ACP3: variants seen among roughly 807,000 people sequenced by gnomAD.
ACP3 encodes prostatic acid phosphatase.
Under a neutral mutation model 45.6 loss-of-function variants are expected in ACP3, and 38 were observed. The observed-to-expected ratio is 0.83, with a 90% CI of 0.64 to 1.09. The LOEUF (loss-of-function observed/expected upper bound fraction) is 1.09, where lower values mean the gene tolerates loss of function less well. ACP3 is among the 50% of genes least tolerant of loss of function. The probability of loss-of-function intolerance (pLI) is 0.00; values close to 1 mark genes in which losing one functional copy is unlikely to be tolerated. For synonymous variants in ACP3, 162 were observed against 164.7 expected, an observed-to-expected ratio of 0.98 and a Z score of 0.13; for missense variants, 466 against 463.2, an observed-to-expected ratio of 1.01 and a Z score of -0.05.
At chr3:132,341,779 A>G (rs1361983842) in intron 5 of ACP3, among the ~76,000 whole-genome samples, 1 of 152,192 alleles carries the variant, frequency 6.6e-6, no homozygotes, top group African/African-American at 2.4e-5. Context: ...CTCTTTAACA[A>G]TAATTTCTAT....
At chr3:132,364,891 C>T (rs1559847064) in intron 10 of ACP3, among the ~76,000 whole-genome samples, 1 of 152,244 alleles carries the variant, frequency 6.6e-6, no homozygotes, top group African/African-American at 2.4e-5. Flanking sequence ...TTAAGGATCA[C>T]TACTATCTGC....
intron 6 of ACP3, among the ~76,000 whole-genome samples, chr3:132,343,996 T>G (rs1302809378): frequency 6.6e-6 from 1 of 152,096 alleles, no homozygotes; most frequent in Non-Finnish European, 1.5e-5. Context: ...ATTAGCCACG[T>G]GTGGCCAGGT....
chr3:132,331,171 T>C (rs1937392218), intron 2 of ACP3, among the ~76,000 whole-genome samples: 1 of 152,220 alleles, frequency 6.6e-6, no homozygotes, highest in Non-Finnish European at 1.5e-5. Flanking sequence ...TCTAATTTTT[T>C]TATGAACCAG....
intron 5 of ACP3, among the ~76,000 whole-genome samples, chr3:132,337,987 C>G (rs1452303516): frequency 6.6e-6 from 1 of 151,870 alleles, no homozygotes; most frequent in Non-Finnish European, 1.5e-5. Flanking sequence ...ATGCTGTGTA[C>G]TTTTTAAAAT....
intron 1 of ACP3, among the ~76,000 whole-genome samples, chr3:132,322,514 A>C (rs185733147): frequency 4.5e-4 from 68 of 152,358 alleles, no homozygotes; most frequent in African/African-American, 1.6e-3. Context: ...GATTTTCACA[A>C]CTTAGAGTAT....
intron 5 of ACP3, among the ~76,000 whole-genome samples, chr3:132,339,074 A>G (rs1048281998): frequency 2.0e-5 from 3 of 151,684 alleles, no homozygotes; most frequent in African/African-American, 7.3e-5. Context: ...CTTCCCCTCT[A>G]TGTGTCCGTG....
At chr3:132,343,153 G>A (rs1937570562) in intron 6 of ACP3, among the ~76,000 whole-genome samples, 4 of 152,238 alleles carry the variant, frequency 2.6e-5, no homozygotes, top group Admixed American at 6.5e-5. Context: ...GATAAATTAC[G>A]ATTGCTTTTC....
intron 7 of ACP3, 50 bp downstream of exon 7, chr3:132,345,109 C>G (rs905289859): frequency 2.0e-6 from 3 of 1,528,116 alleles, no homozygotes; most frequent in Non-Finnish European, 2.7e-6. Context: ...GTTGAATGAT[C>G]CAGGTCTGAG....
exon 11 of ACP3, chr3:132,367,725 T>C (rs1938152815): frequency 1.9e-6 from 3 of 1,613,234 alleles, no homozygotes; most frequent in East Asian, 4.5e-5. Flanking sequence ...ATCTTTGCTG[T>C]TGCCTTTTGC....
chr3:132,348,848 T>C (rs777609692), intron 7 of ACP3, among the ~76,000 whole-genome samples: 4 of 152,202 alleles, frequency 2.6e-5, no homozygotes, highest in Non-Finnish European at 5.9e-5. Context: ...CTTCTTACTA[T>C]TTTATGAGTT....
At chr3:132,328,080 A>G (rs1937331250) in intron 1 of ACP3, among the ~76,000 whole-genome samples, 187 bp from the exon 2 acceptor site, 1 of 152,198 alleles carries the variant, frequency 6.6e-6, no homozygotes, top group South Asian at 2.1e-4. Flanking sequence ...GCCACATCCC[A>G]GACTAATTAA....
intron 2 of ACP3, among the ~76,000 whole-genome samples, chr3:132,328,679 CAAAAAAAAAAAAA>C (rs553521994): frequency 1.7e-4 from 12 of 70,258 alleles, no homozygotes. Flanking sequence ...AACTCTATCT[CAAAAAAAAAAAAA>C]AAAAAAAAAA....
In ACP3 at chr3:132,358,776, T is replaced by C. The variant is rs562903036; in HGVS notation, c.*1898T>C. 3.3e-5 allele frequency: 33 copies of C among 986,982 alleles called. No homozygotes were observed. The African/African-American group carries it at 5.2e-4, about 16-fold the overall frequency. The allele number at this position is 986,982 out of a possible 1,614,324, so 61.1% of individuals were successfully genotyped here. A position where few individuals can be genotyped will look rare whatever the true frequency, so the allele number is the denominator to read the frequency against. ...AAGTTCAAAAGCATTGCTTTTATAA[T>C]GAACTTAGAAAAACGTATGTGTGTG... On this transcript the variant is annotated 3_prime_UTR_variant, in exon 10 of 10. Coordinates refer to ENST00000336375, the MANE Select transcript of ACP3 (RefSeq NM_001099.5).
intron 4 of ACP3, chr3:132,333,507 C>G (rs2107800270): frequency 6.5e-6 from 1 of 152,706 alleles, no homozygotes; most frequent in Non-Finnish European, 1.5e-5. Context: ...GGTTACTATC[C>G]TCTTTGTCCT....
chr3:132,334,476 T>C (rs1207939914), intron 4 of ACP3, among the ~76,000 whole-genome samples: 1 of 152,200 alleles, frequency 6.6e-6, no homozygotes, highest in Non-Finnish European at 1.5e-5. Context: ...GTAGAAGACA[T>C]TATAAGATGG....
intron 1 of ACP3, among the ~76,000 whole-genome samples, chr3:132,324,162 G>A (rs1206760286): frequency 6.8e-6 from 1 of 146,896 alleles, no homozygotes; most frequent in South Asian, 2.2e-4. Flanking sequence ...AGGTTGCAGT[G>A]AGCCAAGATC....
At position 132,356,751 on chromosome 3, in the gene ACP3, C is replaced by G. The variant is rs142891447; in HGVS notation, c.1034C>G (p.Pro345Arg). 7 of 1,614,162 alleles carry G rather than the reference C, an allele frequency of 4.3e-6. No homozygotes were observed. The African/African-American group carries it at 5.3e-5, about 12-fold the overall frequency. The change falls in exon 10 of 10, where the codon CCT (proline) becomes CGT (arginine). Residue 345 changes from proline (P) to arginine (R), a missense_variant. Coordinates refer to ENST00000336375, the MANE Select transcript of ACP3 (RefSeq NM_001099.5). ...CACGAGCCGTATCCCCTCATGCTAC[C>G]TGGCTGCAGCCCCAGCTGTCCTCTG... is the stretch of plus-strand genomic sequence containing the variant. ...TQHEPYPLML[P>R]GCSPSCPLER...
chr3:132,338,781 C>T (rs1238682935), intron 5 of ACP3, among the ~76,000 whole-genome samples: 5 of 150,346 alleles, frequency 3.3e-5, no homozygotes, highest in East Asian at 1.9e-4. Flanking sequence ...TGTACAACAT[C>T]GTGCTATAGT....
chr3:132,349,751 G>A (rs1473332031), intron 7 of ACP3, among the ~76,000 whole-genome samples, 169 bp from the exon 8 acceptor site: 1 of 152,068 alleles, frequency 6.6e-6, no homozygotes, highest in African/African-American at 2.4e-5. Context: ...AAAAAAGTAT[G>A]TAAATCACAT....
Sources: allele counts gnomAD v4.1 joint callset (sites outside exome capture counted in the v4.1 genomes callset), GRCh38; gene constraint gnomAD v4.1.1; transcripts MANE v1.5; gene names NCBI Gene and HGNC (gene_info 2026-07-23, HGNC 2026-07-21).